The following DIAPH2 variants were observed in gnomAD, a reference collection of about 807,000 sequenced individuals.
The protein encoded by DIAPH2 is protein diaphanous homolog 2.
In DIAPH2, 35 loss-of-function variants were observed where a neutral mutation model predicts 92.7. The observed-to-expected ratio is 0.38, with a 90% CI of 0.29 to 0.50. The LOEUF (loss-of-function observed/expected upper bound fraction) is 0.50, where lower values mean the gene tolerates loss of function less well. Ranked by LOEUF, DIAPH2 falls within the 20% of genes least tolerant of loss-of-function variation. The pLI, the probability that DIAPH2 is intolerant of heterozygous loss-of-function variation, is 0.94. For missense variants in DIAPH2, 701 were observed against 819.5 expected (o/e 0.86, Z 1.77); for synonymous variants, 301 against 280.4 (o/e 1.07, Z -0.73).
At chrX:97,012,653 C>A (rs939218797) in intron 17 of DIAPH2, among the ~76,000 whole-genome samples, 1 of 112,197 alleles carries the variant, frequency 8.9e-6, no homozygotes, top group African/African-American at 3.2e-5. Context: ...TCTTTTCCAA[C>A]GTTATCTTTG....
At chrX:97,372,877 T>C (rs1317713675) in intron 24 of DIAPH2, among the ~76,000 whole-genome samples, 1 of 110,394 alleles carries the variant, frequency 9.1e-6, no homozygotes, top group East Asian at 2.8e-4. Flanking sequence ...CTCAGGAGGC[T>C]GAGGCAGGAG....
chrX:97,576,119 G>A (rs928360001), intron 26 of DIAPH2, among the ~76,000 whole-genome samples: 4 of 111,149 alleles, frequency 3.6e-5, no homozygotes, highest in Non-Finnish European at 7.5e-5. Flanking sequence ...TAAGGAAAAG[G>A]GGGTTGGAAA....
intron 26 of DIAPH2, among the ~76,000 whole-genome samples, chrX:97,533,982 G>A (rs781550432): frequency 9.0e-6 from 1 of 111,355 alleles, no homozygotes; most frequent in Non-Finnish European, 1.9e-5. Context: ...CAACCAAAAT[G>A]AGCAGAAATT....
chrX:97,377,972 A>T (rs1194401701), intron 24 of DIAPH2, among the ~76,000 whole-genome samples: 4 of 109,568 alleles, frequency 3.7e-5, no homozygotes, highest in Non-Finnish European at 5.7e-5. Flanking sequence ...AGTGTCTAGC[A>T]AAAAAAAACC....
intron 3 of DIAPH2, among the ~76,000 whole-genome samples, chrX:96,749,145 A>AAAAAAAATAT (rs1252042191): frequency 1.3e-5 from 1 of 79,825 alleles, no homozygotes; most frequent in African/African-American, 5.1e-5. Context: ...AAAAAAAAAA[A>AAAAAAAATAT]ATATATATAT....
In DIAPH2 at chrX:97,348,190, G is replaced by C; in HGVS notation, c.2919G>C (p.Glu973Asp). 1 of 1,209,511 alleles carries C rather than the reference G, an allele frequency of 8.3e-7. No homozygotes were observed. Among genetic ancestry groups the C allele is most frequent in the Non-Finnish European group, 1.1e-6 (1 of 893,910 alleles). Residue 973 changes from glutamate to aspartate, a missense_variant, in exon 24 of 27, where the codon GAG (glutamate) becomes GAC (aspartate). Around this residue, in one of 3 missense-constraint regions of DIAPH2, gnomAD observed 536 missense variants for 599.3 expected, o/e 0.89. Coordinates refer to ENST00000324765, the MANE Select transcript of DIAPH2 (RefSeq NM_006729.5). ...TMHNNMMKLY[E>D]NLGEYFIFDS... Reference sequence around the variant, plus strand: ...ACAACAACATGATGAAGCTCTATGAGAATCTTGGAGAATACTTCATTTTTG... The same window carrying C: ...ACAACAACATGATGAAGCTCTATGACAATCTTGGAGAATACTTCATTTTTG...
At chrX:97,007,442 C>T (rs1006385161) in intron 17 of DIAPH2, among the ~76,000 whole-genome samples, 1 of 110,872 alleles carries the variant, frequency 9.0e-6, no homozygotes. Flanking sequence ...TATACTATCT[C>T]GGATAATAGT....
chrX:97,238,583 T>C lies in DIAPH2; in HGVS notation c.2720-9132T>C, dbSNP rs1313761668. 2.7e-5 allele frequency among the ~76,000 whole-genome samples: 3 copies of C among 110,348 alleles called. No individual in the cohort carries two copies. In the East Asian group the frequency reaches 8.5e-4, roughly 31 times the overall value. The stretch of plus-strand genomic sequence containing the variant: ...ACTTTTTAACAGGTTTTTTTTTTTT[T>C]TCCCCCTAAGAATGAGTCATTTTCT... On this transcript the variant is annotated intron_variant, in intron 22 of 26. Transcript: ENST00000324765.
intron 3 of DIAPH2, among the ~76,000 whole-genome samples, chrX:96,752,509 C>T (rs1374698508): frequency 8.9e-6 from 1 of 112,025 alleles, no homozygotes; most frequent in African/African-American, 3.2e-5. Context: ...ATGTAAGTGA[C>T]ACATAAGGAA....
chrX:97,196,995 A>G (rs1418882982), intron 22 of DIAPH2, among the ~76,000 whole-genome samples: 1 of 111,018 alleles, frequency 9.0e-6, no homozygotes, highest in Non-Finnish European at 1.9e-5. Flanking sequence ...CATGTTGGTC[A>G]GACTGGTCTT....
At chrX:96,720,390 A>G (rs1327489328) in intron 1 of DIAPH2, among the ~76,000 whole-genome samples, 3 of 111,605 alleles carry the variant, frequency 2.7e-5, no homozygotes, top group Non-Finnish European at 3.8e-5. Context: ...AACAAGAACA[A>G]TACAGTTTAT....
At chrX:97,109,346 C>T (rs973659112) in intron 20 of DIAPH2, among the ~76,000 whole-genome samples, 5 of 111,061 alleles carry the variant, frequency 4.5e-5, no homozygotes, top group Non-Finnish European at 1.9e-5. Context: ...GCCTGAGCCC[C>T]GGGAAGTCAA....
At chrX:97,550,764 T>C (rs1225225751) in intron 26 of DIAPH2, among the ~76,000 whole-genome samples, 1 of 112,365 alleles carries the variant, frequency 8.9e-6, no homozygotes, top group East Asian at 2.8e-4. Flanking sequence ...TGAGAATAGC[T>C]AATAATATCA....
At chrX:97,276,029 C>G (rs938039350) in intron 23 of DIAPH2, among the ~76,000 whole-genome samples, 4 of 112,943 alleles carry the variant, frequency 3.5e-5, no homozygotes, top group Non-Finnish European at 7.5e-5. Flanking sequence ...AATCCCGGCA[C>G]CTCGGGAGGC....
intron 17 of DIAPH2, among the ~76,000 whole-genome samples, chrX:96,970,818 T>C (rs2065923373): frequency 9.0e-6 from 1 of 111,401 alleles, no homozygotes; most frequent in African/African-American, 3.3e-5. Context: ...TTCCTCTAGG[T>C]GTGAAGCTAG....
intron 1 of DIAPH2, among the ~76,000 whole-genome samples, chrX:96,711,692 T>A (rs2063919065): frequency 9.0e-6 from 1 of 111,466 alleles, no homozygotes; most frequent in Non-Finnish European, 1.9e-5. Flanking sequence ...GGCTGTATAG[T>A]GAATCAAATG....
chrX:96,972,398 ATTAGTT>A (rs1361409290), intron 17 of DIAPH2, among the ~76,000 whole-genome samples: 12 of 112,199 alleles, frequency 1.1e-4, no homozygotes, highest in African/African-American at 3.9e-4. Context: ...TCCTATTTAA[ATTAGTT>A]TTAGAGAAAA....
chrX:97,110,244 A>G (rs904552586), intron 20 of DIAPH2, among the ~76,000 whole-genome samples: 5 of 110,783 alleles, frequency 4.5e-5, no homozygotes, highest in African/African-American at 1.6e-4. Context: ...TTTTTTCTCT[A>G]TGCAGTCTCT....
intron 26 of DIAPH2, among the ~76,000 whole-genome samples, chrX:97,477,018 CACACACAT>C (rs1169837932): frequency 4.1e-5 from 4 of 97,253 alleles, no homozygotes; most frequent in South Asian, 5.0e-4. Context: ...CACACACACA[CACACACAT>C]ACACACACAC....
Sources: gnomAD v4.1 joint callset for allele counts (sites outside exome capture counted in the v4.1 genomes callset) on GRCh38, gnomAD v4.1.1 for gene constraint, gnomAD v4.1.1 regional missense constraint, MANE v1.5 for transcripts, NCBI Gene and HGNC (gene_info 2026-07-23, HGNC 2026-07-21) for gene names.